The following S100A8 variants were observed in gnomAD, a reference collection of about 807,000 sequenced individuals.
The protein encoded by S100A8 is protein S100-A8.
In S100A8, 1 loss-of-function variant was observed where a neutral mutation model predicts 4.2. The ratio of observed to expected loss-of-function variants is 0.24; its 90% confidence interval spans 0.08 to 1.12. The LOEUF (loss-of-function observed/expected upper bound fraction) is 1.12, where lower values mean the gene tolerates loss of function less well. Among genes scored for constraint, S100A8 ranks in the 50% most tolerant of loss-of-function variants. The pLI is 0.53. For synonymous variants in S100A8, 41 were observed against 44.7 expected (o/e 0.92, Z 0.33); for missense variants, 96 against 111.8 (o/e 0.86, Z 0.64).
At chr1:153,400,639 A>C in the S100A8 span, among the ~76,000 whole-genome samples, 1 of 152,200 alleles carries the variant, frequency 6.6e-6, no homozygotes, top group Non-Finnish European at 1.5e-5. Flanking sequence ...AGATTTCCCC[A>C]GCAAACAAGT....
chr1:153,412,052 C>A, the S100A8 span, among the ~76,000 whole-genome samples: 16 of 152,320 alleles, frequency 1.1e-4, no homozygotes, highest in African/African-American at 3.6e-4. Flanking sequence ...CTAGGCAATA[C>A]CATTCAGGAC....
At chr1:153,406,018 T>A in the S100A8 span, among the ~76,000 whole-genome samples, 1 of 152,050 alleles carries the variant, frequency 6.6e-6, no homozygotes, top group Non-Finnish European at 1.5e-5. Context: ...ACAGAACAGC[T>A]GGCTGTCTTG....
chr1:153,418,672 G>C, the S100A8 span, among the ~76,000 whole-genome samples: 2 of 152,212 alleles, frequency 1.3e-5, no homozygotes, highest in African/African-American at 4.8e-5. Flanking sequence ...AAACCTGTGG[G>C]CTACTAGGTA....
upstream of S100A8, among the ~76,000 whole-genome samples, chr1:153,394,761 G>A (rs893224503): frequency 2.6e-5 from 4 of 152,134 alleles, no homozygotes; most frequent in African/African-American, 9.7e-5. Context: ...GAGAAACAAG[G>A]TCTCCAGCTC....
chr1:153,393,717 A>C (rs1284110568), upstream of S100A8, among the ~76,000 whole-genome samples: 1 of 152,260 alleles, frequency 6.6e-6, no homozygotes, highest in Non-Finnish European at 1.5e-5. Flanking sequence ...TGTGACCAGC[A>C]TAACAGCACC....
chr1:153,419,138 T>C, the S100A8 span: 2 of 1,611,504 alleles, frequency 1.2e-6, no homozygotes, highest in Non-Finnish European at 1.7e-6. Context: ...TGTTTTTCTC[T>C]TCACAGGACA....
the S100A8 span, among the ~76,000 whole-genome samples, chr1:153,404,728 A>G: frequency 6.6e-6 from 1 of 152,164 alleles, no homozygotes; most frequent in African/African-American, 2.4e-5. Flanking sequence ...AGCATTGGAG[A>G]GAGAAAAGAA....
upstream of S100A8, among the ~76,000 whole-genome samples, chr1:153,392,104 G>A (rs1191980584): frequency 6.6e-6 from 1 of 152,040 alleles, no homozygotes; most frequent in East Asian, 1.9e-4. Context: ...TATCTGATAA[G>A]GGATTAATAT....
the S100A8 span, among the ~76,000 whole-genome samples, chr1:153,399,376 G>A: frequency 2.0e-5 from 3 of 152,196 alleles, no homozygotes; most frequent in Non-Finnish European, 4.4e-5. Flanking sequence ...AGCAGGATCT[G>A]AAGCATCTAA....
At chr1:153,413,103 T>C in the S100A8 span, among the ~76,000 whole-genome samples, 1 of 152,208 alleles carries the variant, frequency 6.6e-6, no homozygotes, top group South Asian at 2.1e-4. Flanking sequence ...CTGCACGCTG[T>C]GCACATGTAC....
chr1:153,392,904 A>G (rs1445522362), upstream of S100A8, among the ~76,000 whole-genome samples: 4 of 152,244 alleles, frequency 2.6e-5, no homozygotes, highest in Admixed American at 2.6e-4. Flanking sequence ...ATCACTGATC[A>G]GAGCAAATCA....
At chr1:153,397,654 CA>C in the S100A8 span, among the ~76,000 whole-genome samples, 1 of 152,146 alleles carries the variant, frequency 6.6e-6, no homozygotes, top group African/African-American at 2.4e-5. Context: ...GCATGAGGAC[CA>C]GTGTGAAGCC....
chr1:153,419,956 G>C, the S100A8 span: 5 of 152,722 alleles, frequency 3.3e-5, no homozygotes, highest in African/African-American at 1.2e-4. Flanking sequence ...TGACCCTGTG[G>C]AAGTGAGAAG....
chr1:153,391,700 C>T (rs139736569), upstream of S100A8, among the ~76,000 whole-genome samples: 540 of 152,350 alleles, frequency 3.5e-3, 2 homozygotes, highest in Non-Finnish European at 6.1e-3. Flanking sequence ...CACTCCTCCA[C>T]AGCTTTCCTG....
chr1:153,415,713 CGGGGGG>C, the S100A8 span, among the ~76,000 whole-genome samples: 4 of 26,346 alleles, frequency 1.5e-4, no homozygotes, highest in Non-Finnish European at 3.4e-4. Flanking sequence ...TTCCATGGGG[CGGGGGG>C]GGCGGGGGTC....
At chr1:153,415,772 C>G in the S100A8 span, among the ~76,000 whole-genome samples, 7 of 152,242 alleles carry the variant, frequency 4.6e-5, no homozygotes, top group East Asian at 1.4e-3. Flanking sequence ...TGACCCCAGT[C>G]CCCCCACCTA....
upstream of S100A8, among the ~76,000 whole-genome samples, chr1:153,392,042 T>C (rs1662111529): frequency 6.6e-6 from 1 of 152,190 alleles, no homozygotes; most frequent in Non-Finnish European, 1.5e-5. Context: ...CTTCCAACCT[T>C]GAAGACTGTG....
the S100A8 span, among the ~76,000 whole-genome samples, chr1:153,400,017 C>G: frequency 1.3e-5 from 2 of 152,226 alleles, no homozygotes; most frequent in South Asian, 2.1e-4. Flanking sequence ...TTTATCCTAT[C>G]CAGCTCATAG....
chr1:153,416,766 A>G, the S100A8 span, among the ~76,000 whole-genome samples: 2 of 152,184 alleles, frequency 1.3e-5, no homozygotes, highest in Non-Finnish European at 2.9e-5. Context: ...AGACCTGTCC[A>G]TTGCTCCTTT....
Sources: allele counts gnomAD v4.1 joint callset (sites outside exome capture counted in the v4.1 genomes callset), GRCh38; gene constraint gnomAD v4.1.1; transcripts MANE v1.5; gene names NCBI Gene and HGNC (gene_info 2026-07-23, HGNC 2026-07-21).